The following PDZRN4 variants were observed in gnomAD, a reference collection of about 807,000 sequenced individuals.
The protein encoded by PDZRN4 is PDZ domain containing ring finger 4.
In PDZRN4, 70 loss-of-function variants were observed where a neutral mutation model predicts 99.0. The observed-to-expected ratio is 0.71, with a 90% CI of 0.58 to 0.86. The LOEUF (loss-of-function observed/expected upper bound fraction) is 0.86, where lower values mean the gene tolerates loss of function less well. PDZRN4 is among the 40% of genes least tolerant of loss of function. The pLI is 0.00. For missense variants in PDZRN4, 1,474 were observed against 1,331.2 expected (o/e 1.11, Z -1.67); for synonymous variants, 551 against 501.6 (o/e 1.10, Z -1.32).
rs539724763 is a variant in PDZRN4, at chr12:41,392,804, A to G, written c.844-113652A>G. Among the ~76,000 whole-genome samples the G allele has an allele frequency of 7.0e-4, 106 of 152,308 alleles. 3 individuals carry two copies. Among genetic ancestry groups the G allele is most frequent in the African/African-American group, 2.0e-3 (83 of 41,578 alleles). On this transcript the variant is annotated intron_variant, in intron 3 of 9. Transcript: ENST00000402685. ...AATGGCTGCCAAGAAACATTTTATT[A>G]TTAGCTGTCTTTTGAACACCAAACC... is the stretch of plus-strand genomic sequence containing the variant.
At position 41,246,651 on chromosome 12, in the gene PDZRN4, C is replaced by A. The variant is rs182374306; in HGVS notation, c.843+52463C>A. Among the ~76,000 whole-genome samples the A allele has an allele frequency of 2.0e-5, 3 of 152,278 alleles. No individual in the cohort carries two copies. The East Asian group carries it at 5.8e-4, about 29-fold the overall frequency. ...CAACTGCAGGGGCTTGACATCACAA[C>A]CAATTTTCCTACAGCAACTGTTTCT... On this transcript the variant is annotated intron_variant, in intron 3 of 9. Transcript: ENST00000402685.
At chr12:41,553,237 C>T (rs1391537146) in intron 6 of PDZRN4, among the ~76,000 whole-genome samples, 1 of 152,158 alleles carries the variant, frequency 6.6e-6, no homozygotes, top group Admixed American at 6.5e-5. Context: ...TATTCAACCC[C>T]GCAAGTGAGA....
At position 41,297,487 on chromosome 12, in the gene PDZRN4, C is replaced by G. The variant is rs1592001914; in HGVS notation, c.843+103299C>G. The stretch of plus-strand genomic sequence containing the variant: ...CTGGTGCTGTGACTTTTTACAAGCT[C>G]ATGTATAAACTAAGGCCTGTTCTCT... On this transcript the variant is annotated intron_variant, in intron 3 of 9. Coordinates refer to ENST00000402685, the MANE Select transcript of PDZRN4 (RefSeq NM_001164595.2). Among the ~76,000 whole-genome samples the G allele has an allele frequency of 2.0e-5, 3 of 152,266 alleles. No individual in the cohort carries two copies. The South Asian group carries it at 6.2e-4, about 32-fold the overall frequency.
intron 5 of PDZRN4, among the ~76,000 whole-genome samples, chr12:41,551,619 G>A (rs1939058231): frequency 6.6e-6 from 1 of 152,150 alleles, no homozygotes; most frequent in Non-Finnish European, 1.5e-5. Context: ...TGGAGAAAGA[G>A]CATTAAGCAA....
intron 3 of PDZRN4, among the ~76,000 whole-genome samples, chr12:41,480,942 TAAAAGCCAAAAC>T (rs1937663041): frequency 6.6e-6 from 1 of 151,336 alleles, no homozygotes; most frequent in Non-Finnish European, 1.5e-5. Flanking sequence ...AAATTAAGTA[TAAAAGCCAAAAC>T]AAAGCCTTAA....
intron 3 of PDZRN4, among the ~76,000 whole-genome samples, chr12:41,353,664 G>A (rs1377687137): frequency 1.3e-5 from 2 of 152,054 alleles, no homozygotes; most frequent in South Asian, 2.1e-4. Flanking sequence ...AGTGGTGGAG[G>A]CAGAAGTGTT....
intron 3 of PDZRN4, among the ~76,000 whole-genome samples, chr12:41,227,245 T>C (rs1951000917): frequency 6.6e-6 from 1 of 152,192 alleles, no homozygotes; most frequent in South Asian, 2.1e-4. Context: ...CTGATTAAGT[T>C]TGAGGTTTGT....
At position 41,509,897 on chromosome 12, in the gene PDZRN4, A is replaced by G; in HGVS notation, c.1187A>G (p.Glu396Gly). The change falls in exon 5 of 10, where the codon GAA (glutamate) becomes GGA (glycine). Residue 396 changes from glutamate (E) to glycine (G), a missense_variant. Physicochemically the swap from Glu to Gly is moderately conservative, Grantham distance 98 (BLOSUM62 -2). Transcript: ENST00000402685. ...TTGCCTGCTGATGCAGACAGAACAG[A>G]AGACTTTGAATATGAGGTAAGGTCA... ...SSLPADADRT[E>G]DFEYEEVELC... 5 of 1,565,946 alleles carry G rather than the reference A, an allele frequency of 3.2e-6. No homozygotes were observed. The highest frequency in any genetic ancestry group is 4.4e-6 in the Non-Finnish European group (5 of 1,141,286).
At chr12:41,436,714 T>C (rs1288313944) in intron 3 of PDZRN4, among the ~76,000 whole-genome samples, 1 of 152,198 alleles carries the variant, frequency 6.6e-6, no homozygotes, top group Non-Finnish European at 1.5e-5. Flanking sequence ...ACTGCCAGCT[T>C]GCAATACAAC....
rs1277863174 is a variant in PDZRN4 at position 41,520,798 on chromosome 12, G to A, written c.1203+10885G>A. Among the ~76,000 whole-genome samples, 4 of 151,990 alleles carry A rather than the reference G, an allele frequency of 2.6e-5. No homozygotes were observed. The East Asian group carries it at 7.7e-4, about 29-fold the overall frequency. ...AATGATGTTTACAGATGAAGCACTGGATGGTAATATTTTTAAATACAACAA... is the reference window on the plus strand; with the variant it reads ...AATGATGTTTACAGATGAAGCACTGAATGGTAATATTTTTAAATACAACAA... On this transcript the variant is annotated intron_variant, in intron 5 of 9. Transcript: ENST00000402685.
chr12:41,374,069 C>T (rs571861603), intron 3 of PDZRN4, among the ~76,000 whole-genome samples: 152 of 152,230 alleles, frequency 1.0e-3, no homozygotes, highest in Middle Eastern at 3.4e-3. Flanking sequence ...TGCTTGAACA[C>T]AAGGGAGACA....
intron 3 of PDZRN4, among the ~76,000 whole-genome samples, chr12:41,505,380 T>C (rs1938187415): frequency 6.6e-6 from 1 of 152,124 alleles, no homozygotes; most frequent in Admixed American, 6.6e-5. Flanking sequence ...GCGAGAGTCA[T>C]AAAGCTCTTT....
intron 3 of PDZRN4, among the ~76,000 whole-genome samples, chr12:41,495,430 A>G (rs906796911): frequency 6.6e-6 from 1 of 152,012 alleles, no homozygotes; most frequent in Non-Finnish European, 1.5e-5. Flanking sequence ...TGTTATAGAA[A>G]ATCTGCCAAT....
intron 3 of PDZRN4, among the ~76,000 whole-genome samples, chr12:41,350,707 C>A (rs900662442): frequency 6.6e-6 from 1 of 152,030 alleles, no homozygotes. Flanking sequence ...ATATAACTTT[C>A]AAAAATACAG....
chr12:41,370,383 C>T (rs537803592), intron 3 of PDZRN4, among the ~76,000 whole-genome samples: 1 of 152,008 alleles, frequency 6.6e-6, no homozygotes, highest in African/African-American at 2.4e-5. Context: ...GTTATTTTCC[C>T]TTGGTCCTTT....
intron 3 of PDZRN4, among the ~76,000 whole-genome samples, chr12:41,463,442 G>T (rs535819694): frequency 6.6e-6 from 1 of 151,808 alleles, no homozygotes; most frequent in African/African-American, 2.4e-5. Flanking sequence ...TCATCCTCAG[G>T]TTATGATCTT....
chr12:41,408,838 A>G (rs1952369616), intron 3 of PDZRN4, among the ~76,000 whole-genome samples: 1 of 142,934 alleles, frequency 7.0e-6, no homozygotes, highest in African/African-American at 2.6e-5. Context: ...ACTCTCTCGC[A>G]CTCTCTTGCT....
intron 3 of PDZRN4, among the ~76,000 whole-genome samples, chr12:41,325,019 T>C (rs1035084790): frequency 2.0e-5 from 3 of 152,160 alleles, no homozygotes; most frequent in African/African-American, 7.2e-5. Context: ...ACCTCCAGTC[T>C]ATCTATTTTA....
At chr12:41,246,705 T>C (rs1239631338) in intron 3 of PDZRN4, among the ~76,000 whole-genome samples, 1 of 152,194 alleles carries the variant, frequency 6.6e-6, no homozygotes, top group Non-Finnish European at 1.5e-5. Context: ...TTATGAACCT[T>C]CCCATTCAGT....
Sources: allele counts gnomAD v4.1 joint callset (sites outside exome capture counted in the v4.1 genomes callset), GRCh38; gene constraint gnomAD v4.1.1; transcripts MANE v1.5; gene names NCBI Gene and HGNC (gene_info 2026-07-23, HGNC 2026-07-21).